PTPRN2: variants seen among roughly 807,000 people sequenced by gnomAD.
PTPRN2 encodes the protein protein tyrosine phosphatase receptor type N2, also known as receptor-type tyrosine-protein phosphatase N2.
In PTPRN2, 74 loss-of-function variants were observed where a neutral mutation model predicts 118.8. That is an observed-to-expected ratio of 0.62 (90% CI 0.52 to 0.76). The LOEUF (loss-of-function observed/expected upper bound fraction) is 0.76. Among genes scored for constraint, PTPRN2 ranks in the 30% least tolerant of loss-of-function variants. The pLI is 0.00. For synonymous variants in PTPRN2, 641 were observed against 608.0 expected (o/e 1.05, Z -0.80); for missense variants, 1,481 against 1,394.4 (o/e 1.06, Z -0.99).
At chr7:158,150,945 T>C (rs1162962856) in intron 6 of PTPRN2, among the ~76,000 whole-genome samples, 1 of 151,902 alleles carries the variant, frequency 6.6e-6, no homozygotes, top group Non-Finnish European at 1.5e-5. Context: ...TGGGAAATAT[T>C]ATTCTGTGCA....
rs34206744 is a variant in PTPRN2, at chr7:158,141,624, A to AT, written c.911-3110dup. Among the ~76,000 whole-genome samples the AT allele has an allele frequency of 6.5e-3, 989 of 152,250 alleles. 26 individuals carry two copies. The East Asian group carries it at 0.094, about 14-fold the overall frequency. On this transcript the variant is annotated intron_variant, in intron 6 of 22. Coordinates refer to ENST00000389418, the MANE Select transcript of PTPRN2 (RefSeq NM_002847.5). ...TCTTGCTACACGGCTGTAAGGACAC[A>AT]TTTTTTGAAGTGTTTTGCTTCATTT...
chr7:157,876,895 C>T (rs539455685), intron 12 of PTPRN2, among the ~76,000 whole-genome samples: 6 of 152,304 alleles, frequency 3.9e-5, no homozygotes, highest in South Asian at 2.1e-4. Flanking sequence ...CGCAGCTCGC[C>T]GGCCCTCCAG....
chr7:158,366,413 G>C (rs973044500), intron 2 of PTPRN2, among the ~76,000 whole-genome samples: 1 of 150,188 alleles, frequency 6.7e-6, no homozygotes, highest in African/African-American at 2.5e-5. Context: ...ATCCCTGGGA[G>C]AAGCCACAGC....
chr7:158,236,602 C>T lies in PTPRN2; in HGVS notation c.278-31329G>A, dbSNP rs117480001. Among the ~76,000 whole-genome samples the T allele has an allele frequency of 2.0e-4, 31 of 152,264 alleles. No homozygotes were observed. In the East Asian group the frequency reaches 2.1e-3, roughly 10 times the overall value. On this transcript the variant is annotated intron_variant, in intron 3 of 22. Coordinates refer to ENST00000389418, the MANE Select transcript of PTPRN2 (RefSeq NM_002847.5). The stretch of plus-strand genomic sequence containing the variant: ...CTCAAGTATGTCTTCATGGAGCCGC[C>T]GTGAAGACGTGATGGCACTCAGTGG...
chr7:158,195,462 G>C (rs967319253), intron 4 of PTPRN2, among the ~76,000 whole-genome samples: 1 of 151,962 alleles, frequency 6.6e-6, no homozygotes, highest in Admixed American at 6.6e-5. Flanking sequence ...GGCTTATTGA[G>C]CTTTCTGGCT....
chr7:157,915,101 T>C (rs1340841368), intron 11 of PTPRN2, among the ~76,000 whole-genome samples: 1 of 152,242 alleles, frequency 6.6e-6, no homozygotes, highest in East Asian at 1.9e-4. Flanking sequence ...TTATGATCTA[T>C]GTCCAATAGT....
chr7:157,679,149 GA>G (rs1023471232), intron 13 of PTPRN2, among the ~76,000 whole-genome samples: 5 of 150,820 alleles, frequency 3.3e-5, no homozygotes, highest in Non-Finnish European at 7.4e-5. Flanking sequence ...ATGCCAATTT[GA>G]AAAAAAAGAA....
chr7:158,157,464 G>A (rs1821925355), intron 6 of PTPRN2, among the ~76,000 whole-genome samples: 1 of 152,246 alleles, frequency 6.6e-6, no homozygotes, highest in Admixed American at 6.5e-5. Flanking sequence ...TTTCTCACAT[G>A]GGGGCAGTTT....
chr7:157,613,484 A>G (rs1802524560), intron 15 of PTPRN2, among the ~76,000 whole-genome samples: 2 of 152,166 alleles, frequency 1.3e-5, no homozygotes, highest in African/African-American at 4.8e-5. Context: ...CGGGGCCTCA[A>G]TCGACAGAAC....
chr7:158,022,169 T>C lies in PTPRN2; in HGVS notation c.1723+59129A>G, dbSNP rs1003193749. Among the ~76,000 whole-genome samples, 19 of 152,134 alleles carry C rather than the reference T, an allele frequency of 1.2e-4. No individual in the cohort carries two copies. The highest frequency in any genetic ancestry group is 4.3e-4 in the African/African-American group (18 of 41,422). On this transcript the variant is annotated intron_variant, in intron 11 of 22. Coordinates refer to ENST00000389418, the MANE Select transcript of PTPRN2 (RefSeq NM_002847.5). This position sits in a 1 kb window ranked among gnomAD's most constrained non-coding sequence, Gnocchi z 4.6. ...TGCTTGTCAGCAGCTTCCACAGACA[T>C]GGTGAGAGGAGACATTCAAGGATGA...
intron 12 of PTPRN2, among the ~76,000 whole-genome samples, chr7:157,897,500 G>A (rs572123288): frequency 4.6e-5 from 7 of 152,322 alleles, no homozygotes; most frequent in African/African-American, 1.7e-4. Flanking sequence ...TCCGGCACGA[G>A]CCAGGAAGGC....
In PTPRN2 at chr7:157,881,802, T is replaced by G. The variant is rs993859275; in HGVS notation, c.1788+16871A>C. ...AGGGTTTGCACACACACAACCCTAA[T>G]TAGACTTTTAATAGATCCTTTGTTT... On this transcript the variant is annotated intron_variant, in intron 12 of 22. Coordinates refer to ENST00000389418, the MANE Select transcript of PTPRN2 (RefSeq NM_002847.5). This position sits in a 1 kb window ranked among gnomAD's most constrained non-coding sequence, Gnocchi z 4.7. 6.6e-6 allele frequency among the ~76,000 whole-genome samples: 1 copy of G among 151,850 alleles called. No homozygotes were observed. Among genetic ancestry groups the G allele is most frequent in the African/African-American group, 2.4e-5 (1 of 41,350 alleles).
At chr7:157,982,296 T>G (rs1196987047) in intron 11 of PTPRN2, among the ~76,000 whole-genome samples, 1 of 16,862 alleles carries the variant, frequency 5.9e-5, no homozygotes, top group Admixed American at 9.0e-4. Flanking sequence ...GAGTGCAGGG[T>G]CCCCCCAAAC....
At chr7:158,483,001 T>A (rs982602186) in intron 2 of PTPRN2, among the ~76,000 whole-genome samples, 4 of 152,146 alleles carry the variant, frequency 2.6e-5, no homozygotes, top group African/African-American at 9.7e-5. Context: ...AATGTCCTTA[T>A]CTCCGAAGAC....
chr7:158,150,721 G>A (rs1471110249), intron 6 of PTPRN2, among the ~76,000 whole-genome samples: 1 of 151,894 alleles, frequency 6.6e-6, no homozygotes, highest in Non-Finnish European at 1.5e-5. Flanking sequence ...GGTGATCATG[G>A]TGATCTGCAA....
intron 12 of PTPRN2, among the ~76,000 whole-genome samples, chr7:157,895,800 T>C (rs1563217368): frequency 6.6e-6 from 1 of 151,352 alleles, no homozygotes; most frequent in South Asian, 2.1e-4. Flanking sequence ...GGAATGAGAG[T>C]GAATGTTTAC....
intron 11 of PTPRN2, among the ~76,000 whole-genome samples, chr7:157,928,005 C>A (rs1049433114): frequency 1.3e-5 from 2 of 152,102 alleles, no homozygotes; most frequent in African/African-American, 4.8e-5. Context: ...GCTCTGTGGG[C>A]AATGGACACG....
At chr7:157,645,915 A>T (rs536680010) in intron 14 of PTPRN2, among the ~76,000 whole-genome samples, 1 of 152,376 alleles carries the variant, frequency 6.6e-6, no homozygotes, top group South Asian at 2.1e-4. Flanking sequence ...AATATGACAA[A>T]GAAAACCACG....
intron 12 of PTPRN2, among the ~76,000 whole-genome samples, chr7:157,705,582 C>T (rs1014419426): frequency 9.0e-6 from 1 of 111,508 alleles, no homozygotes; most frequent in East Asian, 2.8e-4. Context: ...CCTTCCGGAT[C>T]AATGCGGATC....
Sources: gnomAD v4.1 joint callset for allele counts (sites outside exome capture counted in the v4.1 genomes callset) on GRCh38, gnomAD v4.1.1 for gene constraint, Gnocchi (gnomAD v3.1) non-coding constraint, MANE v1.5 for transcripts, NCBI Gene and HGNC (gene_info 2026-07-23, HGNC 2026-07-21) for gene names.